The following ARHGAP23 variants were observed in gnomAD, a reference collection of about 807,000 sequenced individuals.
ARHGAP23 encodes the protein Rho GTPase activating protein 23, also known as rho GTPase-activating protein 23.
In ARHGAP23, 34 loss-of-function variants were observed where a neutral mutation model predicts 136.3. That is an observed-to-expected ratio of 0.25 (90% CI 0.19 to 0.33). ARHGAP23 has a LOEUF of 0.33. ARHGAP23 is among the 10% of genes least tolerant of loss of function. The pLI is 1.00. For missense variants in ARHGAP23, 1,808 were observed against 2,139.0 expected, an observed-to-expected ratio of 0.85 and a Z score of 3.05; for synonymous variants, 832 against 920.5, an observed-to-expected ratio of 0.90 and a Z score of 1.74.
intron 23 of ARHGAP23, among the ~76,000 whole-genome samples, chr17:38,507,276 A>AAATAATAATAAAAT (rs1555599769): frequency 5.1e-5 from 7 of 136,670 alleles, no homozygotes; most frequent in Non-Finnish European, 7.8e-5. Flanking sequence ...CTCCGTCTCA[A>AAATAATAATAAAAT]AATAATAATA....
intron 12 of ARHGAP23, among the ~76,000 whole-genome samples, 175 bp from the exon 13 acceptor site, chr17:38,479,261 C>T (rs1358753319): frequency 2.0e-5 from 3 of 152,098 alleles, no homozygotes; most frequent in African/African-American, 7.2e-5. Context: ...AGAGGCTTCC[C>T]CAAGGCCTCA....
In ARHGAP23 at chr17:38,479,940, G is replaced by T. The variant is rs1347998133; in HGVS notation, c.2629+57G>T. On this transcript the variant is annotated intron_variant, in intron 14 of 23. Transcript: ENST00000622683. The stretch of plus-strand genomic sequence containing the variant: ...TGTGGGGGCAGGGGGCATGGGGAGG[G>T]GAGGGCACGCGTGTGTGTGTTGGGC... 2.0e-6 allele frequency: 3 copies of T among 1,521,640 alleles called. No individual in the cohort carries two copies. In the Admixed American group the frequency reaches 6.0e-5, roughly 31 times the overall value. The allele number at this position is 1,521,640 out of a possible 1,614,324, so 94.3% of individuals were successfully genotyped here.
chr17:38,499,010 G>T (rs1567826744), intron 22 of ARHGAP23: 2 of 699,904 alleles, frequency 2.9e-6, no homozygotes, highest in African/African-American at 1.7e-5. Context: ...TTATAAGAAG[G>T]CTGGGTGGGC....
At chr17:38,503,671 C>G in intron 23 of ARHGAP23, among the ~76,000 whole-genome samples, 1 of 152,230 alleles carries the variant, frequency 6.6e-6, no homozygotes, top group East Asian at 1.9e-4. Flanking sequence ...CTTGAAATTC[C>G]TTCCTCCTGA....
At chr17:38,505,653 G>C (rs915563965) in intron 23 of ARHGAP23, among the ~76,000 whole-genome samples, 2 of 152,220 alleles carry the variant, frequency 1.3e-5, no homozygotes, top group Non-Finnish European at 2.9e-5. Context: ...AGGAGGCCAA[G>C]CATGGTGGCT....
chr17:38,470,001 G>GCTCCAGCTCCTGCCTTCCTCCTC, intron 10 of ARHGAP23, 97 bp downstream of exon 10: 1 of 1,410,664 alleles, frequency 7.1e-7, no homozygotes, highest in Non-Finnish European at 9.7e-7. Context: ...GGGGGTTCCT[G>GCTCCAGCTCCTGCCTTCCTCCTC]CTCCAGCTCC....
chr17:38,463,964 G>A (rs1226932542), intron 6 of ARHGAP23, among the ~76,000 whole-genome samples: 1 of 151,892 alleles, frequency 6.6e-6, no homozygotes, highest in Non-Finnish European at 1.5e-5. Context: ...CTCATACAGC[G>A]AAGTGCACCA....
rs1291935512 is a variant in ARHGAP23 at position 38,477,194 on chromosome 17, T to C, written c.2119-385T>C. ...AGAGTGCGGACGGCTTCTGAGCAGGTTTGCTGGGATGAGGGGCAGCCTGGG... is the reference window on the plus strand; with the variant it reads ...AGAGTGCGGACGGCTTCTGAGCAGGCTTGCTGGGATGAGGGGCAGCCTGGG... On this transcript the variant is annotated intron_variant, in intron 11 of 23. Coordinates refer to ENST00000622683, the MANE Select transcript of ARHGAP23 (RefSeq NM_001199417.2). This position sits in a 1 kb window ranked among gnomAD's most constrained non-coding sequence, Gnocchi z 6.6. Among the ~76,000 whole-genome samples, 1 of 151,500 alleles carries C rather than the reference T, an allele frequency of 6.6e-6. No homozygotes were observed.
chr17:38,475,579 T>A (rs2039874402), intron 11 of ARHGAP23, among the ~76,000 whole-genome samples: 2 of 152,230 alleles, frequency 1.3e-5, no homozygotes, highest in South Asian at 4.1e-4. Flanking sequence ...TTGTCTGGTT[T>A]GTTCGGAGAG....
At position 38,495,745 on chromosome 17, in the gene ARHGAP23, A is replaced by G. The variant is rs1279218942; in HGVS notation, c.3277-2040A>G. 2.6e-5 allele frequency among the ~76,000 whole-genome samples: 4 copies of G among 152,136 alleles called. No homozygotes were observed. In the South Asian group the frequency reaches 8.3e-4, roughly 31 times the overall value. On this transcript the variant is annotated intron_variant, in intron 20 of 23. Transcript: ENST00000622683. Reference sequence around the variant, plus strand: ...TTAATAGGCTAATATGTGTCCTTCCAGGACACCTTCCACTTATTGTAAATG... The same window carrying G: ...TTAATAGGCTAATATGTGTCCTTCCGGGACACCTTCCACTTATTGTAAATG...
intron 1 of ARHGAP23, among the ~76,000 whole-genome samples, chr17:38,448,010 G>A (rs1226369492): frequency 1.3e-5 from 2 of 152,232 alleles, no homozygotes; most frequent in Non-Finnish European, 2.9e-5. Flanking sequence ...GACCCTGCCA[G>A]CCTGGCACCT....
intron 1 of ARHGAP23, among the ~76,000 whole-genome samples, chr17:38,438,312 A>C (rs2038848040): frequency 9.4e-6 from 1 of 106,616 alleles, no homozygotes. Context: ...ACAGAGTGAG[A>C]CTCCGTCTCA....
chr17:38,447,443 A>G (rs1347008478), intron 1 of ARHGAP23, among the ~76,000 whole-genome samples: 2 of 143,480 alleles, frequency 1.4e-5, no homozygotes, highest in Non-Finnish European at 3.1e-5. Context: ...GTCTGAAAAA[A>G]AAAAAAAAAA....
At chr17:38,426,550 C>CAAAAAAAAAAGAAA (rs2038572352), upstream of ARHGAP23, among the ~76,000 whole-genome samples, 1 of 51,230 alleles carries the variant, frequency 2.0e-5, no homozygotes, top group Non-Finnish European at 3.6e-5. Flanking sequence ...AACTCCATCT[C>CAAAAAAAAAAGAAA]AAAAAAAAAA....
intron 1 of ARHGAP23, among the ~76,000 whole-genome samples, chr17:38,441,859 C>T (rs894689360): frequency 1.3e-5 from 2 of 152,134 alleles, no homozygotes; most frequent in African/African-American, 4.8e-5. Flanking sequence ...GCAGAACCCA[C>T]GAGGAGGGCT....
chr17:38,437,666 G>T (rs748557634), intron 1 of ARHGAP23, among the ~76,000 whole-genome samples: 1 of 151,548 alleles, frequency 6.6e-6, no homozygotes, highest in Non-Finnish European at 1.5e-5. Flanking sequence ...AGAATCCTAG[G>T]TCTGTCATTG....
chr17:38,496,942 G>C (rs748502495), intron 20 of ARHGAP23, among the ~76,000 whole-genome samples: 3 of 95,214 alleles, frequency 3.2e-5, no homozygotes, highest in Admixed American at 1.3e-4. Context: ...GACAGAGTGA[G>C]ATTCTGTTGG....
At chr17:38,445,712 G>T (rs375261671) in intron 1 of ARHGAP23, among the ~76,000 whole-genome samples, 21 of 151,070 alleles carry the variant, frequency 1.4e-4, no homozygotes, top group African/African-American at 5.1e-4. Context: ...ACGGCTCACT[G>T]CAGCCTTGAC....
chr17:38,478,049 C>T (rs913725424), intron 12 of ARHGAP23, among the ~76,000 whole-genome samples, 153 bp downstream of exon 12: 6 of 152,146 alleles, frequency 3.9e-5, no homozygotes, highest in African/African-American at 1.4e-4. Context: ...CCCAAGGTTT[C>T]GGGGTGAGGA....
Sources: gnomAD v4.1 joint callset for allele counts (sites outside exome capture counted in the v4.1 genomes callset) on GRCh38, gnomAD v4.1.1 for gene constraint, Gnocchi (gnomAD v3.1) non-coding constraint, MANE v1.5 for transcripts, NCBI Gene and HGNC (gene_info 2026-07-23, HGNC 2026-07-21) for gene names.